Variants in LRRC27 observed in about 807,000 individuals in gnomAD.
The protein encoded by LRRC27 is leucine rich repeat containing 27.
Under a neutral mutation model 55.0 loss-of-function variants are expected in LRRC27, and 57 were observed. The observed-to-expected ratio is 1.04, with a 90% CI of 0.84 to 1.29. The LOEUF is 1.29. LRRC27 is among the 50% of genes most tolerant of loss of function. The pLI is 0.00. For synonymous variants in LRRC27, 278 were observed against 251.9 expected, an observed-to-expected ratio of 1.10 and a Z score of -0.98; for missense variants, 721 against 651.5, an observed-to-expected ratio of 1.11 and a Z score of -1.16.
At chr10:132,330,970 A>AG (rs1322640570), upstream of LRRC27, among the ~76,000 whole-genome samples, 1 of 150,956 alleles carries the variant, frequency 6.6e-6, no homozygotes, top group African/African-American at 2.4e-5. Flanking sequence ...TGGGAGGCCG[A>AG]GGGGGGCGGA....
chr10:132,365,791 G>GT (rs2069051889), intron 10 of LRRC27, among the ~76,000 whole-genome samples: 1 of 152,174 alleles, frequency 6.6e-6, no homozygotes, highest in African/African-American at 2.4e-5. Flanking sequence ...TAGAGATAGG[G>GT]TTTTGCCATG....
upstream of LRRC27, chr10:132,330,503 G>C (rs1275049771): frequency 7.0e-6 from 5 of 716,726 alleles, no homozygotes; most frequent in South Asian, 7.4e-5. Flanking sequence ...GTAGATAGTT[G>C]GGTATGTACG....
At chr10:132,373,601 G>T (rs760694137) in intron 10 of LRRC27, among the ~76,000 whole-genome samples, 11 of 152,184 alleles carry the variant, frequency 7.2e-5, no homozygotes, top group Non-Finnish European at 1.3e-4. Flanking sequence ...TTTCAGATAC[G>T]CAAAGACTCA....
chr10:132,353,341 C>T, intron 7 of LRRC27: 3 of 1,097,984 alleles, frequency 2.7e-6, no homozygotes, highest in Non-Finnish European at 3.4e-6. Flanking sequence ...GGCTCTTGCA[C>T]CGCCCCTGTG....
rs1007433850 is a variant in LRRC27, at chr10:132,377,895, G to A, written c.*2653G>A. ...CCATGTGTTTTGTTAAAAATTCAGTGTTCAGGCCGGGTGCTGTGGCTCACG... is the reference window on the plus strand; with the variant it reads ...CCATGTGTTTTGTTAAAAATTCAGTATTCAGGCCGGGTGCTGTGGCTCACG... On this transcript the variant is annotated 3_prime_UTR_variant, in exon 11 of 11. Coordinates refer to ENST00000368614, the MANE Select transcript of LRRC27 (RefSeq NM_030626.3). 1 of 152,224 alleles carries A rather than the reference G, an allele frequency of 6.6e-6. No homozygotes were observed. The highest frequency in any genetic ancestry group is 2.4e-5 in the African/African-American group (1 of 41,440). The allele number at this position is 152,224 out of a possible 1,614,324, so 9.4% of individuals were successfully genotyped here. A position where few individuals can be genotyped will look rare whatever the true frequency, so the allele number is the denominator to read the frequency against.
chr10:132,379,563 A>G lies in LRRC27; in HGVS notation c.*4321A>G, dbSNP rs1037597217. ...TTCCACTAGATCCTTTTACATCATCATTATAATGATTTTTTTTTAATAAGT... is the reference window on the plus strand; with the variant it reads ...TTCCACTAGATCCTTTTACATCATCGTTATAATGATTTTTTTTTAATAAGT... On this transcript the variant is annotated 3_prime_UTR_variant, in exon 11 of 11. Coordinates refer to ENST00000368614, the MANE Select transcript of LRRC27 (RefSeq NM_030626.3). 2 of 152,078 alleles carry G rather than the reference A, an allele frequency of 1.3e-5. No individual in the cohort carries two copies. Among genetic ancestry groups the G allele is most frequent in the Non-Finnish European group, 2.9e-5 (2 of 68,042 alleles). 9.4% of individuals were successfully genotyped at this position (152,078 alleles called of 1,614,324 possible).
intron 2 of LRRC27, among the ~76,000 whole-genome samples, chr10:132,335,782 A>C (rs1225424174): frequency 6.6e-6 from 1 of 152,222 alleles, no homozygotes; most frequent in Admixed American, 6.5e-5. Flanking sequence ...AATGCATTGC[A>C]ATCCCAGTCA....
intron 4 of LRRC27, among the ~76,000 whole-genome samples, chr10:132,344,211 G>A (rs368095351): frequency 1.1e-4 from 17 of 152,270 alleles, no homozygotes; most frequent in South Asian, 8.3e-4. Flanking sequence ...ATAATATAGC[G>A]ACTTTGTATT....
At chr10:132,343,827 C>T (rs1265966783) in intron 4 of LRRC27, among the ~76,000 whole-genome samples, 1 of 152,248 alleles carries the variant, frequency 6.6e-6, no homozygotes, top group African/African-American at 2.4e-5. Flanking sequence ...CCCTGCAGTG[C>T]TTCCCCGTGC....
intron 2 of LRRC27, chr10:132,337,241 CTGAGTGT>C (rs2067179293): frequency 8.5e-7 from 1 of 1,182,636 alleles, no homozygotes; most frequent in Admixed American, 4.5e-5. Flanking sequence ...GGCCGAGACA[CTGAGTGT>C]GGGGCCCCGG....
Position 132,347,241 on chromosome 10 carries a change from C to G in LRRC27, c.554-743C>G, listed in dbSNP as rs76479135. On this transcript the variant is annotated intron_variant, in intron 5 of 10. Transcript: ENST00000368614. ...TGTGTACACATGCAAAAAGTCCCTC[C>G]AAAGTGGTAAGGCCTATGTGGGAAG... 8.1e-3 allele frequency among the ~76,000 whole-genome samples: 1,236 copies of G among 152,332 alleles called. 8 individuals carry two copies. Among genetic ancestry groups the G allele is most frequent in the Middle Eastern group, 0.014 (4 of 294 alleles).
Position 132,372,661 on chromosome 10 carries a change from A to C in LRRC27, c.1417-2405A>C, listed in dbSNP as rs2069245814. Among the ~76,000 whole-genome samples the C allele has an allele frequency of 6.6e-6, 1 of 152,054 alleles. No individual in the cohort carries two copies. On this transcript the variant is annotated intron_variant, in intron 10 of 10. Coordinates refer to ENST00000368614, the MANE Select transcript of LRRC27 (RefSeq NM_030626.3). This position sits in a 1 kb window ranked among gnomAD's most constrained non-coding sequence, Gnocchi z 4.0. ...CCCAGCCCACTGACTCCTCCAGCCT[A>C]CCCAGCAGGAGCCAGGGCTGCCTCT... is the stretch of plus-strand genomic sequence containing the variant.
At chr10:132,331,583 C>T, upstream of LRRC27, 1 of 1,612,934 alleles carries the variant, frequency 6.2e-7, no homozygotes, top group East Asian at 2.2e-5. Context: ...CCAGGAAGCC[C>T]CAGGAGAGAC....
In LRRC27 at chr10:132,372,729, A is replaced by G. The variant is rs1017857414; in HGVS notation, c.1417-2337A>G. ...AGGCACCACAGTGGTGACAGCAGCC[A>G]TGTTTGGCCTAAAGAGACCTGCAGA... On this transcript the variant is annotated intron_variant, in intron 10 of 10. Transcript: ENST00000368614. This position sits in a 1 kb window ranked among gnomAD's most constrained non-coding sequence, Gnocchi z 4.0. Among the ~76,000 whole-genome samples the G allele has an allele frequency of 3.3e-5, 5 of 152,162 alleles. No homozygotes were observed. Among genetic ancestry groups the G allele is most frequent in the Non-Finnish European group, 7.4e-5 (5 of 68,026 alleles).
rs1011722660 is a variant in LRRC27, at chr10:132,372,621, T to G, written c.1417-2445T>G. On this transcript the variant is annotated intron_variant, in intron 10 of 10. Transcript: ENST00000368614. This position sits in a 1 kb window ranked among gnomAD's most constrained non-coding sequence, Gnocchi z 4.0. ...ACAGGTCACGCCAGGGCCCTGGGTC[T>G]GCTTCCCTACTCTGCCCAGCCCACT... Among the ~76,000 whole-genome samples the G allele has an allele frequency of 2.0e-5, 3 of 152,164 alleles. No homozygotes were observed. The highest frequency in any genetic ancestry group is 2.9e-5 in the Non-Finnish European group (2 of 68,026).
Position 132,372,761 on chromosome 10 carries a change from G to C in LRRC27, c.1417-2305G>C, listed in dbSNP as rs531857675. On this transcript the variant is annotated intron_variant, in intron 10 of 10. Transcript: ENST00000368614. The surrounding 1 kb of genome is among the most constrained non-coding windows in gnomAD (Gnocchi z 4.0). ...GCCTAAAGAGACCTGCAGAAGGTCA[G>C]GTGCACAACCGACCAGGAGGGCTGG... Among the ~76,000 whole-genome samples the C allele has an allele frequency of 6.6e-6, 1 of 152,176 alleles. No individual in the cohort carries two copies. Among genetic ancestry groups the C allele is most frequent in the South Asian group, 2.1e-4 (1 of 4,832 alleles).
At chr10:132,342,872 T>C (rs1212317818) in intron 4 of LRRC27, among the ~76,000 whole-genome samples, 1 of 152,240 alleles carries the variant, frequency 6.6e-6, no homozygotes, top group African/African-American at 2.4e-5. Context: ...TGAGTACTCA[T>C]TTATTTGTAA....
rs1041132647 is a variant in LRRC27 at position 132,341,492 on chromosome 10, A to G, written c.342-721A>G. On this transcript the variant is annotated intron_variant, in intron 3 of 10. Coordinates refer to ENST00000368614, the MANE Select transcript of LRRC27 (RefSeq NM_030626.3). ...ATATAGATTTTTCCATCATTCAACT[A>G]GTAAATTTTTACATTCTTTCCTGTC... Among the ~76,000 whole-genome samples the G allele has an allele frequency of 7.8e-4, 118 of 152,234 alleles. 2 individuals are homozygous for G. Among genetic ancestry groups the G allele is most frequent in the Admixed American group, 7.5e-3 (115 of 15,284 alleles).
At position 132,374,019 on chromosome 10, in the gene LRRC27, C is replaced by T. The variant is rs1344680826; in HGVS notation, c.1417-1047C>T. ...TCGCAGAGCTGAGCCGTGAGTGCTG[C>T]TCTAGCCCACAGTTACGATATGGGG... On this transcript the variant is annotated intron_variant, in intron 10 of 10. Coordinates refer to ENST00000368614, the MANE Select transcript of LRRC27 (RefSeq NM_030626.3). The surrounding 1 kb of genome is among the most constrained non-coding windows in gnomAD (Gnocchi z 4.4). Among the ~76,000 whole-genome samples the T allele has an allele frequency of 6.6e-6, 1 of 152,160 alleles. No homozygotes were observed. The highest frequency in any genetic ancestry group is 6.5e-5 in the Admixed American group (1 of 15,284).
Sources: gnomAD v4.1 joint callset for allele counts (sites outside exome capture counted in the v4.1 genomes callset) on GRCh38, gnomAD v4.1.1 for gene constraint, Gnocchi (gnomAD v3.1) non-coding constraint, MANE v1.5 for transcripts, NCBI Gene and HGNC (gene_info 2026-07-23, HGNC 2026-07-21) for gene names.